NAV2: variants seen among roughly 807,000 people sequenced by gnomAD.
NAV2 encodes the protein helicase, APC down-regulated 1.
NAV2 carries 54 observed loss-of-function variants against 223.2 expected under a neutral mutation model. The ratio of observed to expected loss-of-function variants is 0.24; its 90% CI spans 0.19 to 0.30. The LOEUF (loss-of-function observed/expected upper bound fraction) is 0.30, where lower values mean the gene tolerates loss of function less well. Among genes scored for constraint, NAV2 ranks in the 10% least tolerant of loss-of-function variants. The pLI is 1.00. For missense variants in NAV2, 2,806 were observed against 3,147.5 expected, an observed-to-expected ratio of 0.89 and a Z score of 2.60; for synonymous variants, 1,279 against 1,239.3, an observed-to-expected ratio of 1.03 and a Z score of -0.67.
At chr11:19,897,233 TG>T (rs1204871599) in intron 6 of NAV2, among the ~76,000 whole-genome samples, 1 of 151,854 alleles carries the variant, frequency 6.6e-6, no homozygotes, top group African/African-American at 2.4e-5. Context: ...GGGCCTGTTG[TG>T]GGGTGGGGGG....
chr11:20,099,171 G>A (rs2061468633), intron 31 of NAV2, among the ~76,000 whole-genome samples: 1 of 152,180 alleles, frequency 6.6e-6, no homozygotes, highest in Admixed American at 6.5e-5. Flanking sequence ...AGAATTGGTG[G>A]AGTTGCTGGA....
rs556016751 is a variant in NAV2 at position 19,655,455 on chromosome 11, T to C, written c.76-177029T>C. On this transcript the variant is annotated intron_variant, in intron 1 of 37. Transcript: ENST00000360655. ...GATACATGCAGACGTATGTTTATTG[T>C]GGCACTATTCACAATAGCAAAGACT... Among the ~76,000 whole-genome samples, 452 of 152,222 alleles carry C rather than the reference T, an allele frequency of 3.0e-3. 3 individuals are homozygous for C. The highest frequency in any genetic ancestry group is 0.02 in the South Asian group (95 of 4,818).
chr11:19,597,533 T>C (rs2046234417), intron 1 of NAV2, among the ~76,000 whole-genome samples: 1 of 152,168 alleles, frequency 6.6e-6, no homozygotes, highest in African/African-American at 2.4e-5. Flanking sequence ...CCAACAACAG[T>C]CCCTTCCACC....
chr11:19,865,136 C>G (rs1444541022), intron 3 of NAV2, among the ~76,000 whole-genome samples: 1 of 152,182 alleles, frequency 6.6e-6, no homozygotes, highest in Non-Finnish European at 1.5e-5. Context: ...TATTTACATA[C>G]TTTGCTGTTT....
At chr11:19,513,313 A>G (rs917255495) in intron 1 of NAV2, among the ~76,000 whole-genome samples, 3 of 152,236 alleles carry the variant, frequency 2.0e-5, no homozygotes, top group Non-Finnish European at 2.9e-5. Flanking sequence ...AGAATGTCGA[A>G]TGACCCCAAT....
intron 1 of NAV2, among the ~76,000 whole-genome samples, chr11:19,559,579 T>C (rs1380585379): frequency 6.6e-6 from 1 of 152,242 alleles, no homozygotes; most frequent in Non-Finnish European, 1.5e-5. Flanking sequence ...GAATCTGTAT[T>C]CATGCTTCCT....
At chr11:20,055,396 C>T (rs1005169587) in intron 18 of NAV2, among the ~76,000 whole-genome samples, 1 of 152,198 alleles carries the variant, frequency 6.6e-6, no homozygotes, top group African/African-American at 2.4e-5. Flanking sequence ...TCTTGTCATG[C>T]ACAAATGCTT....
At chr11:19,450,693 C>A (rs1851760347) in intron 1 of NAV2, among the ~76,000 whole-genome samples, 1 of 152,202 alleles carries the variant, frequency 6.6e-6, no homozygotes, top group African/African-American at 2.4e-5. Flanking sequence ...GATTTCCCTG[C>A]ATAACCTATA....
At chr11:19,517,766 T>A (rs1191594703) in intron 1 of NAV2, among the ~76,000 whole-genome samples, 1 of 152,226 alleles carries the variant, frequency 6.6e-6, no homozygotes, top group Non-Finnish European at 1.5e-5. Context: ...TAAGACCCTT[T>A]GCAGGTAAGA....
At chr11:19,968,731 A>G (rs2048979100) in intron 10 of NAV2, among the ~76,000 whole-genome samples, 1 of 152,228 alleles carries the variant, frequency 6.6e-6, no homozygotes, top group African/African-American at 2.4e-5. Context: ...TAGCAGTATC[A>G]GTCACTATGA....
At chr11:20,026,559 C>T (rs2055097829) in intron 11 of NAV2, among the ~76,000 whole-genome samples, 1 of 152,204 alleles carries the variant, frequency 6.6e-6, no homozygotes, top group South Asian at 2.1e-4. Flanking sequence ...ATCCACCCGC[C>T]TCGGCCTCCC....
At chr11:19,442,642 A>G (rs1206828709) in intron 1 of NAV2, among the ~76,000 whole-genome samples, 3 of 152,210 alleles carry the variant, frequency 2.0e-5, no homozygotes, top group Non-Finnish European at 4.4e-5. Flanking sequence ...AGAAGCCTGC[A>G]GTGATGTTGG....
chr11:19,954,341 T>C (rs1471903158), intron 10 of NAV2, among the ~76,000 whole-genome samples: 2 of 152,114 alleles, frequency 1.3e-5, no homozygotes, highest in Admixed American at 6.6e-5. Flanking sequence ...CATCAACAAA[T>C]ATGGGCACAG....
chr11:19,923,581 T>C (rs1472610987), intron 6 of NAV2, among the ~76,000 whole-genome samples: 1 of 152,202 alleles, frequency 6.6e-6, no homozygotes, highest in Non-Finnish European at 1.5e-5. Flanking sequence ...TGGGCTGGGC[T>C]CCTAGAGGAA....
chr11:20,006,933 C>T (rs2053132669), intron 11 of NAV2, among the ~76,000 whole-genome samples: 1 of 151,968 alleles, frequency 6.6e-6, no homozygotes, highest in Non-Finnish European at 1.5e-5. Context: ...AGACTGGACC[C>T]TGGTTTCTAA....
chr11:20,098,537 C>G (rs1286395465), intron 31 of NAV2, among the ~76,000 whole-genome samples: 2 of 152,206 alleles, frequency 1.3e-5, no homozygotes, highest in Non-Finnish European at 2.9e-5. Flanking sequence ...TTTCTTACTT[C>G]CCTGAAAGGC....
At chr11:19,946,547 T>C in intron 9 of NAV2, 38 bp downstream of exon 9, 7 of 1,542,048 alleles carry the variant, frequency 4.5e-6, no homozygotes, top group Non-Finnish European at 5.3e-6. Flanking sequence ...AACTACCTGG[T>C]ATCCTAATTT....
rs548052033 is a variant in NAV2 at position 19,575,985 on chromosome 11, A to G, written c.75+224958A>G. Among the ~76,000 whole-genome samples, 3 of 152,338 alleles carry G rather than the reference A, an allele frequency of 2.0e-5. No homozygotes were observed. In the South Asian group the frequency reaches 6.2e-4, roughly 32 times the overall value. ...ATGCCCAGTTGAGCCTGGGTGGTTC[A>G]GGATGGCTTTTTTAAGTCATACAGA... On this transcript the variant is annotated intron_variant, in intron 1 of 37. Coordinates refer to the NAV2 transcript ENST00000360655.
chr11:19,405,700 T>C (rs1221091146), intron 1 of NAV2, among the ~76,000 whole-genome samples: 3 of 152,258 alleles, frequency 2.0e-5, no homozygotes, highest in Non-Finnish European at 4.4e-5. Flanking sequence ...GATTGAGTTA[T>C]TAAATCTTTC....
Sources: gnomAD v4.1 joint callset for allele counts (sites outside exome capture counted in the v4.1 genomes callset) on GRCh38, gnomAD v4.1.1 for gene constraint, MANE v1.5 for transcripts, NCBI Gene and HGNC (gene_info 2026-07-23, HGNC 2026-07-21) for gene names.